The following MBOAT2 variants were observed in gnomAD, a reference collection of about 807,000 sequenced individuals.
The protein encoded by MBOAT2 is membrane-bound glycerophospholipid O-acyltransferase 2.
Under a neutral mutation model 63.4 loss-of-function variants are expected in MBOAT2, and 28 were observed. The ratio of observed to expected loss-of-function variants is 0.44; its 90% CI spans 0.33 to 0.61. MBOAT2 has a LOEUF of 0.61. Ranked by LOEUF, MBOAT2 falls within the 20% of genes least tolerant of loss-of-function variation. The pLI is 0.03. For missense variants in MBOAT2, 470 were observed against 605.8 expected (o/e 0.78, Z 2.35); for synonymous variants, 211 against 215.6 (o/e 0.98, Z 0.19).
In MBOAT2 at chr2:8,923,634, G is replaced by A. The variant is rs149272929; in HGVS notation, c.300-14918C>T. Among the ~76,000 whole-genome samples, 776 of 152,150 alleles carry A rather than the reference G, an allele frequency of 5.1e-3. 6 individuals are homozygous for A. The highest frequency in any genetic ancestry group is 0.017 in the African/African-American group (722 of 41,490). On this transcript the variant is annotated intron_variant, in intron 3 of 12. Coordinates refer to ENST00000305997, the MANE Select transcript of MBOAT2 (RefSeq NM_138799.4). ...GTTCTCAGTGCATTGGTTTTTCTGG[G>A]CAGTAGTCAAGAAGAACCCATCAGG...
intron 12 of MBOAT2, 72 bp from the exon 13 acceptor site, chr2:8,858,976 A>T: frequency 9.2e-7 from 1 of 1,090,674 alleles, no homozygotes. Context: ...CACTTGTCAA[A>T]ATGTCACATG....
intron 3 of MBOAT2, among the ~76,000 whole-genome samples, chr2:8,938,368 C>T (rs1005596170): frequency 2.0e-5 from 3 of 152,014 alleles, no homozygotes; most frequent in Non-Finnish European, 2.9e-5. Flanking sequence ...GTTGGGCACA[C>T]GCTCTCTCTC....
At chr2:8,968,180 G>C (rs1670145644) in intron 1 of MBOAT2, among the ~76,000 whole-genome samples, 1 of 151,888 alleles carries the variant, frequency 6.6e-6, no homozygotes, top group Non-Finnish European at 1.5e-5. Flanking sequence ...CTGAGACAAA[G>C]CTTCCAGAGG....
intron 4 of MBOAT2, among the ~76,000 whole-genome samples, chr2:8,907,751 G>A (rs1412281095): frequency 2.0e-5 from 3 of 152,126 alleles, no homozygotes; most frequent in Admixed American, 1.3e-4. Flanking sequence ...TTTAAAATCT[G>A]TGTAGTAAAA....
intron 7 of MBOAT2, among the ~76,000 whole-genome samples, chr2:8,876,319 G>C (rs145239830): frequency 1.2e-3 from 187 of 152,282 alleles, no homozygotes; most frequent in African/African-American, 4.0e-3. Flanking sequence ...GGGAATCTTG[G>C]TCAAATCACT....
chr2:8,945,962 T>C (rs1229945788), intron 2 of MBOAT2, among the ~76,000 whole-genome samples: 4 of 152,190 alleles, frequency 2.6e-5, no homozygotes, highest in Non-Finnish European at 4.4e-5. Flanking sequence ...ACCGTTTATG[T>C]CCTCACAGAG....
rs1323263464 is a variant in MBOAT2 at position 8,873,324 on chromosome 2, C to A, written c.691-24G>T. The A allele has an allele frequency of 4.4e-6, 7 of 1,603,712 alleles. No homozygotes were observed. The African/African-American group carries it at 9.4e-5, about 22-fold the overall frequency. ...GTCTGAAAAGCGCAAGGCGAGACTT[C>A]ATCAACTTTATCCATGCTCCTTTTA... On this transcript the variant is annotated intron_variant, in intron 7 of 12. Transcript: ENST00000305997.
At chr2:8,919,313 G>A (rs1558614926) in intron 3 of MBOAT2, among the ~76,000 whole-genome samples, 1 of 152,172 alleles carries the variant, frequency 6.6e-6, no homozygotes, top group African/African-American at 2.4e-5. Flanking sequence ...TTTCCAAAGT[G>A]ACTACAATTT....
Position 8,858,536 on chromosome 2 carries a change from GGT to G in MBOAT2, c.*141_*142del, listed in dbSNP as rs1661265702. The G allele has an allele frequency of 1.6e-6, 1 of 611,040 alleles. No individual in the cohort carries two copies. Among genetic ancestry groups the G allele is most frequent in the African/African-American group, 1.8e-5 (1 of 54,226 alleles). The allele number at this position is 611,040 out of a possible 1,614,324, so 37.9% of individuals were successfully genotyped here. Reference sequence around the variant, plus strand: ...GCTTGTTTCACTCCATTTCCAATCTGGTGTACAGGAAATTCCTTATCTATAAC... The same window carrying G: ...GCTTGTTTCACTCCATTTCCAATCTGGTACAGGAAATTCCTTATCTATAAC... On this transcript the variant is annotated 3_prime_UTR_variant, in exon 13 of 13. Transcript: ENST00000305997.
intron 3 of MBOAT2, among the ~76,000 whole-genome samples, chr2:8,919,633 A>G (rs909299152): frequency 7.9e-5 from 12 of 152,182 alleles, no homozygotes; most frequent in African/African-American, 2.9e-4. Context: ...TGTATCAGAC[A>G]CATGTTTTGC....
intron 9 of MBOAT2, 85 bp downstream of exon 9, chr2:8,868,361 C>T: frequency 8.8e-7 from 1 of 1,139,136 alleles, no homozygotes; most frequent in Non-Finnish European, 1.3e-6. Context: ...TTCAATACCA[C>T]TCCTAGGACA....
chr2:8,995,208 C>CTAAA (rs1672196934), intron 1 of MBOAT2, among the ~76,000 whole-genome samples: 1 of 152,160 alleles, frequency 6.6e-6, no homozygotes, highest in African/African-American at 2.4e-5. Flanking sequence ...TCCAGCCTAT[C>CTAAA]TCAATCAATC....
chr2:8,952,894 C>T (rs541201523), intron 2 of MBOAT2, among the ~76,000 whole-genome samples: 9 of 152,122 alleles, frequency 5.9e-5, no homozygotes, highest in South Asian at 2.1e-4. Context: ...TCTTGAAAAC[C>T]GCAGAAGAAT....
At chr2:8,932,158 T>G (rs1667366626) in intron 3 of MBOAT2, among the ~76,000 whole-genome samples, 1 of 152,212 alleles carries the variant, frequency 6.6e-6, no homozygotes, top group Non-Finnish European at 1.5e-5. Flanking sequence ...TCATTTTTTC[T>G]CTACACAGTT....
chr2:8,963,460 C>T (rs1348751541), intron 1 of MBOAT2, among the ~76,000 whole-genome samples: 8 of 152,144 alleles, frequency 5.3e-5, no homozygotes, highest in African/African-American at 7.2e-5. Context: ...TGCACTACCA[C>T]GCCCGGCTAA....
chr2:8,884,195 CAAAAAA>C (rs1169179642), intron 5 of MBOAT2, among the ~76,000 whole-genome samples: 234 of 22,090 alleles, frequency 0.011, 1 homozygote, highest in South Asian at 0.027. Context: ...AAGACTCAGC[CAAAAAA>C]AAAAAAAAAA....
At chr2:8,998,199 G>C (rs1490447176) in intron 1 of MBOAT2, among the ~76,000 whole-genome samples, 1 of 152,204 alleles carries the variant, frequency 6.6e-6, no homozygotes, top group Non-Finnish European at 1.5e-5. Context: ...CTAAAACACA[G>C]ATTCAAGATT....
At chr2:8,971,098 G>A (rs764793923) in intron 1 of MBOAT2, among the ~76,000 whole-genome samples, 60 of 152,204 alleles carry the variant, frequency 3.9e-4, no homozygotes, top group Admixed American at 1.2e-3. Flanking sequence ...CCTGATGAAC[G>A]TCGATGCAAA....
At chr2:8,892,716 A>G (rs1664093057) in intron 4 of MBOAT2, among the ~76,000 whole-genome samples, 1 of 152,190 alleles carries the variant, frequency 6.6e-6, no homozygotes, top group Non-Finnish European at 1.5e-5. Flanking sequence ...AACCGGCCTC[A>G]CCCAGAAGAT....
Sources: allele counts gnomAD v4.1 joint callset (sites outside exome capture counted in the v4.1 genomes callset), GRCh38; gene constraint gnomAD v4.1.1; transcripts MANE v1.5; gene names NCBI Gene and HGNC (gene_info 2026-07-23, HGNC 2026-07-21).